The following NPY5R variants were observed in gnomAD, a reference collection of about 807,000 sequenced individuals.
The protein encoded by NPY5R is neuropeptide Y receptor type 5.
A neutral mutation model predicts 24.8 loss-of-function variants in NPY5R; 21 were observed. The ratio of observed to expected loss-of-function variants is 0.85; its 90% CI spans 0.60 to 1.22. NPY5R has a LOEUF of 1.22. NPY5R is among the 50% of genes most tolerant of loss of function. The probability of loss-of-function intolerance (pLI) is 0.00; values close to 1 mark genes in which losing one functional copy is unlikely to be tolerated. For synonymous variants in NPY5R, 175 were observed against 183.0 expected (o/e 0.96, Z 0.35); for missense variants, 481 against 521.3 (o/e 0.92, Z 0.75).
intron 2 of NPY5R, among the ~76,000 whole-genome samples, chr4:163,346,307 T>C (rs889096441): frequency 6.6e-6 from 1 of 152,204 alleles, no homozygotes; most frequent in African/African-American, 2.4e-5. Flanking sequence ...ATGCCATTCA[T>C]TTATTAATTC....
intron 3 of NPY5R, among the ~76,000 whole-genome samples, chr4:163,348,485 C>G (rs1355615590): frequency 2.6e-5 from 4 of 151,580 alleles, no homozygotes; most frequent in Non-Finnish European, 5.9e-5. Flanking sequence ...AAAGATTAGC[C>G]AGATGTAGTG....
chr4:163,351,165 C>T lies in NPY5R; in HGVS notation c.892C>T (p.Pro298Ser). The change falls in exon 4 of 4, where the codon CCT (proline) becomes TCT (serine). Residue 298 changes from proline to serine, a missense_variant. By Grantham distance (74) the Pro-to-Ser change is moderately conservative. Transcript: ENST00000338566. ...RYSKKTACVLPAPERPSQENH... is the reference protein window; with the variant it reads ...RYSKKTACVLSAPERPSQENH... ...TAGCAAGAAGACAGCATGTGTGTTA[C>T]CTGCTCCAGAAAGACCTTCTCAAGA... 6.2e-7 allele frequency: 1 copy of T among 1,613,960 alleles called. No individual in the cohort carries two copies. The highest frequency in any genetic ancestry group is 8.5e-7 in the Non-Finnish European group (1 of 1,179,894).
rs898716663 is a variant in NPY5R, at chr4:163,351,288, A to G, written c.1015A>G (p.Ile339Val). Residue 339 changes from isoleucine to valine, a missense_variant, in exon 4 of 4, where the codon ATA (isoleucine) becomes GTA (valine). Physicochemically the swap from Ile to Val is conservative, Grantham distance 29. Coordinates refer to ENST00000338566, the MANE Select transcript of NPY5R (RefSeq NM_006174.4). ...ACCAGGGGTCCCCACTTGCTTTGAG[A>G]TAAAACCTGAAGAAAATTCAGATGT... Reference protein sequence around the residue: ...FIPGVPTCFEIKPEENSDVHE... With the variant: ...FIPGVPTCFEVKPEENSDVHE... 2 of 1,613,854 alleles carry G rather than the reference A, an allele frequency of 1.2e-6. No homozygotes were observed. Among genetic ancestry groups the G allele is most frequent in the African/African-American group, 2.7e-5 (2 of 74,932 alleles).
chr4:163,344,830 C>A (rs931732086), intron 1 of NPY5R: 3 of 151,922 alleles, frequency 2.0e-5, no homozygotes, highest in African/African-American at 7.3e-5. Flanking sequence ...AGTCCGAATG[C>A]AATTTTAGAT....
rs1236256736 is a variant in NPY5R at position 163,350,924 on chromosome 4, A to G, written c.651A>G (p.Leu217=). 5 of 1,613,934 alleles carry G rather than the reference A, an allele frequency of 3.1e-6. No individual in the cohort carries two copies. The highest frequency in any genetic ancestry group is 2.7e-5 in the African/African-American group (2 of 74,946). The stretch of plus-strand genomic sequence containing the variant: ...TTGCCTTTACTATCTCTTTATTGCT[A>G]GTTCAGTATATTCTGCCCTTAGTTT... ...YRIAFTISLL[L]VQYILPLVCL... is the part of the protein sequence containing the mutation. The change falls in exon 4 of 4, where the codon CTA becomes CTG. Residue 217 remains leucine, a synonymous_variant. Transcript: ENST00000338566.
chr4:163,346,743 A>G (rs1409447665), intron 2 of NPY5R, among the ~76,000 whole-genome samples: 3 of 152,208 alleles, frequency 2.0e-5, no homozygotes, highest in African/African-American at 7.2e-5. Context: ...ATTTAAAATA[A>G]AAGTTTTAAT....
At position 163,350,415 on chromosome 4, in the gene NPY5R, T is replaced by G; in HGVS notation, c.142T>G (p.Tyr48Asp). 1 of 1,613,928 alleles carries G rather than the reference T, an allele frequency of 6.2e-7. No individual in the cohort carries two copies. Among genetic ancestry groups the G allele is most frequent in the Non-Finnish European group, 8.5e-7 (1 of 1,179,802 alleles). ...DDLQYFLIGL[Y>D]TFVSLLGFMG... The stretch of plus-strand genomic sequence containing the variant: ...CTTACAGTATTTTCTGATTGGGCTC[T>G]ATACATTTGTAAGTCTTCTTGGCTT... The change falls in exon 4 of 4, where the codon TAT becomes GAT. Residue 48 changes from tyrosine (Y) to aspartate (D), a missense_variant. Physicochemically the swap from Tyr to Asp is radical, Grantham distance 160 (BLOSUM62 -3). Transcript: ENST00000338566.
intron 3 of NPY5R, among the ~76,000 whole-genome samples, chr4:163,348,789 A>C (rs1735360644): frequency 6.6e-6 from 1 of 152,086 alleles, no homozygotes. Flanking sequence ...TGTAGAGGTA[A>C]ATACGTAATG....
In NPY5R at chr4:163,350,685, G is replaced by A; in HGVS notation, c.412G>A (p.Val138Ile). ...STLILISIAI[V>I]RYHMIKHPIS... ...TTTAATTTTAATATCAATTGCCATT[G>A]TCAGGTATCATATGATAAAACATCC... The change falls in exon 4 of 4, where the codon GTC becomes ATC. Residue 138 changes from valine (V) to isoleucine (I), a missense_variant. Physicochemically the swap from Val to Ile is conservative, Grantham distance 29. Coordinates refer to ENST00000338566, the MANE Select transcript of NPY5R (RefSeq NM_006174.4). 6.2e-7 allele frequency: 1 copy of A among 1,613,862 alleles called. No homozygotes were observed.
chr4:163,350,812 T>G lies in NPY5R; in HGVS notation c.539T>G (p.Leu180Arg). Residue 180 changes from leucine (L) to arginine (R), a missense_variant, in exon 4 of 4, where the codon CTT becomes CGT. Transcript: ENST00000338566. The stretch of plus-strand genomic sequence containing the variant: ...TCTCCCCTTCCAGTGTTTCACAGTC[T>G]TGTGGAACTTCAAGAAACATTTGGT... ...ICSPLPVFHS[L>R]VELQETFGSA... 1.9e-6 allele frequency: 3 copies of G among 1,614,186 alleles called. No homozygotes were observed. Among genetic ancestry groups the G allele is most frequent in the Non-Finnish European group, 2.5e-6 (3 of 1,179,990 alleles).
rs1735424438 is a variant in NPY5R, at chr4:163,350,143, TAGG to T, written c.-9-119_-9-117del. On this transcript the variant is annotated intron_variant, in intron 3 of 3. Coordinates refer to ENST00000338566, the MANE Select transcript of NPY5R (RefSeq NM_006174.4). ...AAAAAAAAGATATCATAAACTTCCT[TAGG>T]AGATTAATAAGGTCACGGGAGCTGA... 1.9e-5 allele frequency: 10 copies of T among 535,076 alleles called. No homozygotes were observed. In the South Asian group the frequency reaches 4.3e-4, roughly 23 times the overall value. 33.1% of individuals were successfully genotyped at this position (535,076 alleles called of 1,614,324 possible).
At position 163,351,711 on chromosome 4, in the gene NPY5R, T is replaced by C. The variant is rs932900042; in HGVS notation, c.*100T>C. ...ATAATAAATAGAAATTTTGTTAACA[T>C]GGAATTTAATTTATGTGAAAGAGTT... is the stretch of plus-strand genomic sequence containing the variant. On this transcript the variant is annotated 3_prime_UTR_variant, in exon 4 of 4. Coordinates refer to ENST00000338566, the MANE Select transcript of NPY5R (RefSeq NM_006174.4). 1.3e-6 allele frequency: 1 copy of C among 783,990 alleles called. No individual in the cohort carries two copies. Among genetic ancestry groups the C allele is most frequent in the Non-Finnish European group, 1.9e-6 (1 of 528,088 alleles). The allele number at this position is 783,990 out of a possible 1,614,324, so 48.6% of individuals were successfully genotyped here.
chr4:163,348,482 A>G (rs1164602705), intron 3 of NPY5R, among the ~76,000 whole-genome samples: 1 of 151,988 alleles, frequency 6.6e-6, no homozygotes. Flanking sequence ...TAGAAAGATT[A>G]GCCAGATGTA....
In NPY5R at chr4:163,351,125, A is replaced by G. The variant is rs1735478228; in HGVS notation, c.852A>G (p.Lys284=). Residue 284 remains lysine (K), a synonymous_variant, in exon 4 of 4, where the codon AAA becomes AAG. Coordinates refer to ENST00000338566, the MANE Select transcript of NPY5R (RefSeq NM_006174.4). ...SHKWSYSFIK[K]HRRRYSKKTA... is the part of the protein sequence containing the mutation. ...AATGGAGTTATTCATTCATCAAAAA[A>G]CACAGAAGAAGATATAGCAAGAAGA... 4.3e-6 allele frequency: 7 copies of G among 1,614,050 alleles called. No individual in the cohort carries two copies. Among genetic ancestry groups the G allele is most frequent in the African/African-American group, 1.3e-5 (1 of 74,920 alleles).
chr4:163,348,963 A>G (rs563708939), intron 3 of NPY5R, among the ~76,000 whole-genome samples: 2 of 151,958 alleles, frequency 1.3e-5, no homozygotes, highest in East Asian at 3.9e-4. Flanking sequence ...TTTTAAATTA[A>G]TCAACAGGTG....
chr4:163,344,899 C>T (rs1274516327), intron 1 of NPY5R: 2 of 152,202 alleles, frequency 1.3e-5, no homozygotes, highest in Non-Finnish European at 2.9e-5. Flanking sequence ...GAGGGTGGTG[C>T]ATGCCTGTGT....
rs765809370 is a variant in NPY5R at position 163,350,357 on chromosome 4, A to T, written c.84A>T (p.Pro28=). Residue 28 remains proline, a synonymous_variant, in exon 4 of 4, where the codon CCA becomes CCT. Transcript: ENST00000338566. ...NTAATRNSDF[P]VWDDYKSSVD... ...CTGCCACTCGGAATTCTGATTTCCC[A>T]GTCTGGGATGACTATAAAAGCAGTG... 3.5e-5 allele frequency: 57 copies of T among 1,612,742 alleles called. No individual in the cohort carries two copies. The highest frequency in any genetic ancestry group is 4.6e-5 in the Non-Finnish European group (54 of 1,179,034).
Position 163,351,598 on chromosome 4 carries a change from GT to G in NPY5R, c.1326del (p.Leu443PhefsTer24). The G allele has an allele frequency of 6.3e-7, 1 of 1,598,040 alleles. No individual in the cohort carries two copies. Among genetic ancestry groups the G allele is most frequent in the South Asian group, 1.1e-5 (1 of 89,796 alleles). On this transcript the variant is annotated frameshift_variant, in exon 4 of 4. Transcript: ENST00000338566. LOFTEE classifies it high-confidence loss of function. The part of the protein sequence containing the change: ...IKADLVSLIH[C>X]LHM ...GCTGATTTAGTGTCCCTTATACACTGTCTTCATATGTAATAATTCTCACTGT... is the reference window on the plus strand; with the variant it reads ...GCTGATTTAGTGTCCCTTATACACTGCTTCATATGTAATAATTCTCACTGT...
chr4:163,351,676 C>T lies in NPY5R; in HGVS notation c.*65C>T. On this transcript the variant is annotated 3_prime_UTR_variant, in exon 4 of 4. Coordinates refer to ENST00000338566, the MANE Select transcript of NPY5R (RefSeq NM_006174.4). ...GTCATATAAAATATATTTATGATAA[C>T]TATTTACATATAATAAATAGAAATT... 1 of 1,083,226 alleles carries T rather than the reference C, an allele frequency of 9.2e-7. No homozygotes were observed. The highest frequency in any genetic ancestry group is 2.2e-5 in the South Asian group (1 of 45,318). 67.1% of individuals were successfully genotyped at this position (1,083,226 alleles called of 1,614,324 possible).
Sources: allele counts gnomAD v4.1 joint callset (sites outside exome capture counted in the v4.1 genomes callset), GRCh38; gene constraint gnomAD v4.1.1; transcripts MANE v1.5; gene names NCBI Gene and HGNC (gene_info 2026-07-23, HGNC 2026-07-21).